Variants in SHOC1 observed in about 807,000 individuals in gnomAD.
The protein encoded by SHOC1 is shortage in chiasmata 1.
Under a neutral mutation model 179.2 loss-of-function variants are expected in SHOC1, and 136 were observed. The ratio of observed to expected loss-of-function variants is 0.76; its 90% CI spans 0.66 to 0.87. The LOEUF (loss-of-function observed/expected upper bound fraction) is 0.87, where lower values mean the gene tolerates loss of function less well. SHOC1 is among the 40% of genes least tolerant of loss of function. SHOC1 has a pLI of 0.00. For synonymous variants in SHOC1, 489 were observed against 586.6 expected (o/e 0.83, Z 2.41); for missense variants, 1,538 against 1,700.8 (o/e 0.90, Z 1.68).
chr9:111,698,253 G>A (rs552913240), intron 24 of SHOC1, among the ~76,000 whole-genome samples: 6 of 152,130 alleles, frequency 3.9e-5, no homozygotes, highest in South Asian at 4.2e-4. Context: ...TGTTTTATTC[G>A]TGAAGTTGTT....
intron 8 of SHOC1, among the ~76,000 whole-genome samples, chr9:111,753,881 G>C (rs1834726523): frequency 6.6e-6 from 1 of 152,126 alleles, no homozygotes; most frequent in Admixed American, 6.6e-5. Flanking sequence ...GTGGTTACCA[G>C]GGGCTAGGGT....
At chr9:111,793,016 G>A (rs1370355509) in intron 1 of SHOC1, among the ~76,000 whole-genome samples, 2 of 152,004 alleles carry the variant, frequency 1.3e-5, no homozygotes, top group Non-Finnish European at 2.9e-5. Context: ...CTGAGTAGTT[G>A]GGACTATAGG....
At chr9:111,768,299 C>T (rs1835430839) in intron 5 of SHOC1, among the ~76,000 whole-genome samples, 1 of 151,134 alleles carries the variant, frequency 6.6e-6, no homozygotes, top group Admixed American at 6.6e-5. Context: ...AATCTCAACT[C>T]ACTACAACCT....
At chr9:111,773,776 C>T (rs1398236369) in intron 5 of SHOC1, among the ~76,000 whole-genome samples, 4 of 151,618 alleles carry the variant, frequency 2.6e-5, no homozygotes, top group Non-Finnish European at 5.9e-5. Context: ...AAAAGAAAAC[C>T]AGCCACTGTT....
chr9:111,692,130 A>G lies in SHOC1; in HGVS notation c.3847T>C (p.Ser1283Pro), dbSNP rs755375331. 5.0e-6 allele frequency: 8 copies of G among 1,613,598 alleles called. No homozygotes were observed. Among genetic ancestry groups the G allele is most frequent in the Non-Finnish European group, 6.8e-6 (8 of 1,179,764 alleles). ...TCTGAATCACTGTGGTTTAGAAAGG[A>G]GTTATAAGCCGGTCTCCTTGATTCT... Reference protein sequence around the residue: ...NIESRRPAYNSFLNHSDSESD... With the variant: ...NIESRRPAYNPFLNHSDSESD... Residue 1283 changes from serine (S) to proline (P), a missense_variant, in exon 27 of 28, where the codon TCC becomes CCC. Transcript: ENST00000682961.
At chr9:111,776,450 G>T (rs1235753492) in intron 4 of SHOC1, among the ~76,000 whole-genome samples, 1 of 152,152 alleles carries the variant, frequency 6.6e-6, no homozygotes, top group African/African-American at 2.4e-5. Context: ...AAAGTATACA[G>T]ATTTTTAGGT....
At chr9:111,778,137 G>A (rs1248056385) in intron 4 of SHOC1, among the ~76,000 whole-genome samples, 2 of 152,032 alleles carry the variant, frequency 1.3e-5, no homozygotes, top group Non-Finnish European at 2.9e-5. Context: ...GTGTTTCCTG[G>A]CTCTCCTCAT....
At chr9:111,767,817 G>A (rs992245255) in intron 5 of SHOC1, among the ~76,000 whole-genome samples, 1 of 152,008 alleles carries the variant, frequency 6.6e-6, no homozygotes. Flanking sequence ...TTCAATCCAT[G>A]AGTATGAAAT....
Position 111,748,091 on chromosome 9 carries a change from C to T in SHOC1, c.970+1G>A, listed in dbSNP as rs568379187. 6 of 1,606,466 alleles carry T rather than the reference C, an allele frequency of 3.7e-6. No individual in the cohort carries two copies. In the South Asian group the frequency reaches 4.4e-5, roughly 12 times the overall value. On this transcript the variant is annotated splice_donor_variant, in intron 9 of 27. Coordinates refer to ENST00000682961, the MANE Select transcript of SHOC1 (RefSeq NM_001378211.1). LOFTEE classifies it high-confidence loss of function. Reference sequence around the variant, plus strand: ...GCTCAATGATTTATCAAAATTTCTACCTGGTTTACTGCACTCTTCTGGTTC... The same window carrying T: ...GCTCAATGATTTATCAAAATTTCTATCTGGTTTACTGCACTCTTCTGGTTC...
At chr9:111,784,881 G>A (rs1836206862) in intron 3 of SHOC1, among the ~76,000 whole-genome samples, 1 of 152,062 alleles carries the variant, frequency 6.6e-6, no homozygotes, top group Non-Finnish European at 1.5e-5. Flanking sequence ...TCCCTTTCAT[G>A]AGGACTCCAT....
At chr9:111,697,427 T>G (rs1026122930) in intron 24 of SHOC1, among the ~76,000 whole-genome samples, 2 of 152,024 alleles carry the variant, frequency 1.3e-5, no homozygotes, top group Admixed American at 1.3e-4. Flanking sequence ...CACCTATGAG[T>G]GAGAACATGC....
intron 13 of SHOC1, 76 bp downstream of exon 13, chr9:111,727,557 T>C: frequency 7.9e-7 from 1 of 1,267,300 alleles, no homozygotes; most frequent in Non-Finnish European, 1.1e-6. Context: ...CTTTATCTCC[T>C]TGCCTTCTAT....
intron 15 of SHOC1, among the ~76,000 whole-genome samples, chr9:111,718,673 A>G (rs1212213741): frequency 2.6e-5 from 4 of 152,212 alleles, no homozygotes; most frequent in African/African-American, 9.6e-5. Context: ...AACAAGAATA[A>G]AAATAGATTC....
At chr9:111,786,989 A>G (rs889961791) in intron 2 of SHOC1, among the ~76,000 whole-genome samples, 22 of 152,198 alleles carry the variant, frequency 1.4e-4, no homozygotes, top group Non-Finnish European at 2.9e-4. Flanking sequence ...TACCCTGTCT[A>G]TGCTCTATAA....
chr9:111,780,649 G>A (rs1229771363), intron 4 of SHOC1, among the ~76,000 whole-genome samples: 1 of 151,900 alleles, frequency 6.6e-6, no homozygotes, highest in Non-Finnish European at 1.5e-5. Context: ...AACATAGGTG[G>A]AAAAAAGACT....
At chr9:111,747,978 C>G in intron 9 of SHOC1, 114 bp downstream of exon 9, 1 of 624,448 alleles carries the variant, frequency 1.6e-6, no homozygotes, top group Non-Finnish European at 2.8e-6. Flanking sequence ...TTATAACAAT[C>G]CAATTTTAAA....
intron 11 of SHOC1, among the ~76,000 whole-genome samples, chr9:111,738,892 A>T (rs1294965588): frequency 2.6e-5 from 4 of 152,224 alleles, no homozygotes; most frequent in Admixed American, 1.3e-4. Flanking sequence ...CTAACTCATT[A>T]TAATAAGCCT....
rs147354564 is a variant in SHOC1 at position 111,756,408 on chromosome 9, G to A, written c.779C>T (p.Ser260Leu). Residue 260 changes from serine (S) to leucine (L), a missense_variant, in exon 8 of 28, where the codon TCA becomes TTA. Ser to Leu is a moderately radical substitution (Grantham distance 145). Transcript: ENST00000682961. ...PSLKPEIDIPSLSELKELLNP... is the reference protein window; with the variant it reads ...PSLKPEIDIPLLSELKELLNP... ...TAATAACTCCTTCAGTTCTGAGAGT[G>A]ATGGAATATCAATTTCTGGTTTGAG... The A allele has an allele frequency of 8.1e-4, 1,303 of 1,611,300 alleles. 2 individuals carry two copies. The highest frequency in any genetic ancestry group is 9.8e-4 in the Non-Finnish European group (1,159 of 1,177,954).
In SHOC1 at chr9:111,692,587, G is replaced by A. The variant is rs1048563183; in HGVS notation, c.3466-76C>T. 20 of 1,084,986 alleles carry A rather than the reference G, an allele frequency of 1.8e-5. No individual in the cohort carries two copies. The Middle Eastern group carries it at 1.3e-3, about 69-fold the overall frequency. The allele number at this position is 1,084,986 out of a possible 1,614,324, so 67.2% of individuals were successfully genotyped here. A position where few individuals can be genotyped will look rare whatever the true frequency, so the allele number is the denominator to read the frequency against. On this transcript the variant is annotated intron_variant, in intron 26 of 27. Coordinates refer to ENST00000682961, the MANE Select transcript of SHOC1 (RefSeq NM_001378211.1). Reference sequence around the variant, plus strand: ...ATGATGCTTATCTATATGGAAAGAAGGCAAAATATAAATAGGTAGTCTATT... The same window carrying A: ...ATGATGCTTATCTATATGGAAAGAAAGCAAAATATAAATAGGTAGTCTATT...
Sources: gnomAD v4.1 joint callset for allele counts (sites outside exome capture counted in the v4.1 genomes callset) on GRCh38, gnomAD v4.1.1 for gene constraint, MANE v1.5 for transcripts, NCBI Gene and HGNC (gene_info 2026-07-23, HGNC 2026-07-21) for gene names.